Variants in TMEM184B observed in about 807,000 individuals in gnomAD.
TMEM184B encodes the protein putative MAPK-activating protein FM08.
Under a neutral mutation model 41.8 loss-of-function variants are expected in TMEM184B, and 17 were observed. The ratio of observed to expected loss-of-function variants is 0.41; its 90% CI spans 0.28 to 0.61. The LOEUF is 0.61. TMEM184B is among the 20% of genes least tolerant of loss of function. The probability of loss-of-function intolerance (pLI) is 0.34; values close to 1 mark genes in which losing one functional copy is unlikely to be tolerated. For synonymous variants in TMEM184B, 240 were observed against 229.5 expected (o/e 1.05, Z -0.41); for missense variants, 393 against 557.8 (o/e 0.70, Z 2.98).
chr22:38,255,320 G>T (rs531037492), intron 1 of TMEM184B, among the ~76,000 whole-genome samples: 2 of 152,016 alleles, frequency 1.3e-5, no homozygotes, highest in East Asian at 1.9e-4. Context: ...CACCGCACCC[G>T]GCCTCATGGC....
At position 38,272,673 on chromosome 22, in the gene TMEM184B, C is replaced by T. The variant is rs561674724; in HGVS notation, c.-59+211G>A. On this transcript the variant is annotated intron_variant, in intron 1 of 8. Coordinates refer to ENST00000361906, the MANE Select transcript of TMEM184B (RefSeq NM_012264.5). ...AGGGAGCGGGCACACCCACGGGCGACCTCGCGGGGCGGAGAGGAGGCACGG... is the reference window on the plus strand; with the variant it reads ...AGGGAGCGGGCACACCCACGGGCGATCTCGCGGGGCGGAGAGGAGGCACGG... 1.2e-5 allele frequency: 12 copies of T among 985,560 alleles called. No individual in the cohort carries two copies. In the South Asian group the frequency reaches 3.3e-4, roughly 27 times the overall value. 61.1% of individuals were successfully genotyped at this position (985,560 alleles called of 1,614,324 possible).
chr22:38,258,868 G>A (rs1394241569), intron 1 of TMEM184B, among the ~76,000 whole-genome samples: 1 of 152,162 alleles, frequency 6.6e-6, no homozygotes, highest in Non-Finnish European at 1.5e-5. Context: ...AAGGGGATGT[G>A]GGCCTGGACC....
At chr22:38,251,208 C>A (rs1021388797) in intron 1 of TMEM184B, among the ~76,000 whole-genome samples, 1 of 152,218 alleles carries the variant, frequency 6.6e-6, no homozygotes, top group African/African-American at 2.4e-5. Context: ...CGTTTCTGCA[C>A]CGAGGCCAAT....
chr22:38,248,620 T>A (rs1414866356), intron 1 of TMEM184B, among the ~76,000 whole-genome samples: 2 of 152,176 alleles, frequency 1.3e-5, no homozygotes, highest in Non-Finnish European at 2.9e-5. Context: ...ACTCATTACA[T>A]CGACACCACC....
In TMEM184B at chr22:38,221,076, G is replaced by A. The variant is rs947208381; in HGVS notation, c.*393C>T. ...ATTGCACGGTGTGTGGGGGAGCCACGGCTTGCCGACCTCAGCCTGAGAGTC... is the reference window on the plus strand; with the variant it reads ...ATTGCACGGTGTGTGGGGGAGCCACAGCTTGCCGACCTCAGCCTGAGAGTC... On this transcript the variant is annotated 3_prime_UTR_variant, in exon 9 of 9. Coordinates refer to ENST00000361906, the MANE Select transcript of TMEM184B (RefSeq NM_012264.5). 2 of 1,059,260 alleles carry A rather than the reference G, an allele frequency of 1.9e-6. No homozygotes were observed. The highest frequency in any genetic ancestry group is 2.3e-6 in the Non-Finnish European group (2 of 876,152). 65.6% of individuals were successfully genotyped at this position (1,059,260 alleles called of 1,614,324 possible).
At position 38,239,771 on chromosome 22, in the gene TMEM184B, G is replaced by A. The variant is rs548477030; in HGVS notation, c.358+6164C>T. 6.6e-6 allele frequency among the ~76,000 whole-genome samples: 1 copy of A among 152,294 alleles called. No individual in the cohort carries two copies. The highest frequency in any genetic ancestry group is 2.4e-5 in the African/African-American group (1 of 41,554). ...GGTCCTCTCAGATCTCTGCCACGCT[G>A]TACCAGTCACTCAGCCTGTGCAGTG... On this transcript the variant is annotated intron_variant, in intron 3 of 8. Coordinates refer to ENST00000361906, the MANE Select transcript of TMEM184B (RefSeq NM_012264.5). This position sits in a 1 kb window ranked among gnomAD's most constrained non-coding sequence, Gnocchi z 4.6.
chr22:38,244,703 G>A (rs914568118), intron 3 of TMEM184B, among the ~76,000 whole-genome samples: 12 of 152,168 alleles, frequency 7.9e-5, no homozygotes, highest in African/African-American at 2.2e-4. Context: ...TGATCTGCCC[G>A]CCTCGGCCTC....
At chr22:38,233,070 AAC>A (rs915732514) in intron 3 of TMEM184B, among the ~76,000 whole-genome samples, 17 of 152,322 alleles carry the variant, frequency 1.1e-4, no homozygotes, top group African/African-American at 3.6e-4. Context: ...GGCACACCAC[AAC>A]AGTTTCACTG....
intron 8 of TMEM184B, among the ~76,000 whole-genome samples, chr22:38,224,349 T>C (rs757865434): frequency 9.2e-5 from 14 of 152,272 alleles, no homozygotes; most frequent in South Asian, 6.2e-4. Flanking sequence ...CTCCTGACCT[T>C]GTGATCCACC....
At chr22:38,224,410 G>A (rs115358457) in intron 8 of TMEM184B, among the ~76,000 whole-genome samples, 1,952 of 152,262 alleles carry the variant, frequency 0.013, 46 homozygotes, top group African/African-American at 0.044. Context: ...CACCGTGCCC[G>A]GCCAGAAGTA....
downstream of TMEM184B, among the ~76,000 whole-genome samples, chr22:38,217,602 A>G (rs1465455246): frequency 1.3e-5 from 2 of 152,028 alleles, no homozygotes; most frequent in African/African-American, 4.8e-5. Context: ...AGATCGCGCC[A>G]CTGGACTCCA....
At chr22:38,268,263 C>A (rs140781542) in intron 1 of TMEM184B, among the ~76,000 whole-genome samples, 1,616 of 152,024 alleles carry the variant, frequency 0.011, 21 homozygotes, top group Middle Eastern at 0.058. Flanking sequence ...TGCCTGTAAT[C>A]CCCGCTACTT....
chr22:38,217,114 G>C (rs1036195615), downstream of TMEM184B, among the ~76,000 whole-genome samples: 1 of 151,600 alleles, frequency 6.6e-6, no homozygotes, highest in African/African-American at 2.4e-5. Context: ...ATCATTTGAG[G>C]TCAGGAGTTC....
chr22:38,271,564 T>A (rs940623531), intron 1 of TMEM184B, among the ~76,000 whole-genome samples: 1 of 152,226 alleles, frequency 6.6e-6, no homozygotes, highest in African/African-American at 2.4e-5. Context: ...GAGGGAGTCT[T>A]TCCTGCGGCC....
At chr22:38,252,052 T>C (rs61705219) in intron 1 of TMEM184B, among the ~76,000 whole-genome samples, 1 of 151,364 alleles carries the variant, frequency 6.6e-6, no homozygotes, top group African/African-American at 2.4e-5. Context: ...TGTGCCACCA[T>C]GTCCAACAAA....
rs1247788754 is a variant in TMEM184B at position 38,226,675 on chromosome 22, A to G, written c.617+104T>C. On this transcript the variant is annotated intron_variant, in intron 6 of 8. Coordinates refer to ENST00000361906, the MANE Select transcript of TMEM184B (RefSeq NM_012264.5). This position sits in a 1 kb window ranked among gnomAD's most constrained non-coding sequence, Gnocchi z 4.6. Reference sequence around the variant, plus strand: ...GGTTGTGAGCACCAGACACCCAGGAAGGTCATGGCTGTGCGGCCACTCTGG... The same window carrying G: ...GGTTGTGAGCACCAGACACCCAGGAGGGTCATGGCTGTGCGGCCACTCTGG... The G allele has an allele frequency of 2.7e-6, 3 of 1,126,628 alleles. No individual in the cohort carries two copies. The highest frequency in any genetic ancestry group is 2.9e-5 in the South Asian group (2 of 69,054). 69.8% of individuals were successfully genotyped at this position (1,126,628 alleles called of 1,614,324 possible).
chr22:38,244,615 C>T (rs1168847922), intron 3 of TMEM184B, among the ~76,000 whole-genome samples: 1 of 152,136 alleles, frequency 6.6e-6, no homozygotes, highest in Non-Finnish European at 1.5e-5. Context: ...CACCATTATG[C>T]CCGGATAATT....
intron 1 of TMEM184B, among the ~76,000 whole-genome samples, chr22:38,252,890 C>T (rs2092198079): frequency 1.3e-5 from 2 of 152,228 alleles, no homozygotes; most frequent in Admixed American, 1.3e-4. Flanking sequence ...CGCCTGTAAT[C>T]CTAGCACTTT....
chr22:38,245,810 T>G, intron 3 of TMEM184B, 125 bp downstream of exon 3: 1 of 989,226 alleles, frequency 1.0e-6, no homozygotes, highest in Admixed American at 2.4e-5. Flanking sequence ...AACCCTGTAG[T>G]AGGTAAAGCA....
Sources: gnomAD v4.1 joint callset for allele counts (sites outside exome capture counted in the v4.1 genomes callset) on GRCh38, gnomAD v4.1.1 for gene constraint, Gnocchi (gnomAD v3.1) non-coding constraint, MANE v1.5 for transcripts, NCBI Gene and HGNC (gene_info 2026-07-23, HGNC 2026-07-21) for gene names.